Variants in PDE12 observed in about 807,000 individuals in gnomAD.
PDE12 encodes 2',5'-phosphodiesterase 12.
In PDE12, 26 loss-of-function variants were observed where a neutral mutation model predicts 45.4. That is an observed-to-expected ratio of 0.57 (90% CI 0.42 to 0.79). The LOEUF (loss-of-function observed/expected upper bound fraction) is 0.79, where lower values mean the gene tolerates loss of function less well. PDE12 is among the 30% of genes least tolerant of loss of function. The pLI is 0.00. For synonymous variants in PDE12, 283 were observed against 323.9 expected (o/e 0.87, Z 1.36); for missense variants, 668 against 790.0 (o/e 0.85, Z 1.85).
At chr3:57,572,396 T>C in the PDE12 span, 1 of 863,884 alleles carries the variant, frequency 1.2e-6, no homozygotes, top group Non-Finnish European at 1.8e-6. Flanking sequence ...TTTTCACACC[T>C]CTTGCATCTC....
the PDE12 span, among the ~76,000 whole-genome samples, chr3:57,579,475 A>G: frequency 6.6e-6 from 1 of 151,686 alleles, no homozygotes; most frequent in Non-Finnish European, 1.5e-5. Context: ...TTTAGTAGAG[A>G]TGAGATTTTA....
the PDE12 span, among the ~76,000 whole-genome samples, chr3:57,614,525 T>TTTTTTTGTTTTG: frequency 3.5e-5 from 5 of 141,490 alleles, no homozygotes; most frequent in Admixed American, 1.5e-4. Context: ...TGTAATCCGT[T>TTTTTTTGTTTTG]TTTTTTTTTT....
chr3:57,583,673 C>A, the PDE12 span, among the ~76,000 whole-genome samples: 17 of 152,112 alleles, frequency 1.1e-4, no homozygotes, highest in Admixed American at 3.9e-4. Context: ...CCAGCACCCA[C>A]CCCATCTTCC....
the PDE12 span, among the ~76,000 whole-genome samples, chr3:57,576,600 A>G: frequency 3.6e-4 from 55 of 151,434 alleles, no homozygotes; most frequent in African/African-American, 1.3e-3. Context: ...TACTGGCACA[A>G]TGGTTTTACA....
At chr3:57,585,624 ACC>A in the PDE12 span, among the ~76,000 whole-genome samples, 1 of 150,166 alleles carries the variant, frequency 6.7e-6, no homozygotes, top group African/African-American at 2.5e-5. Context: ...ATAATAAAAG[ACC>A]CTATCACATT....
At chr3:57,589,753 T>C in the PDE12 span, among the ~76,000 whole-genome samples, 4 of 149,474 alleles carry the variant, frequency 2.7e-5, no homozygotes, top group African/African-American at 9.9e-5. Flanking sequence ...AAACAAACCT[T>C]TGCCCATAAT....
downstream of PDE12, among the ~76,000 whole-genome samples, chr3:57,569,829 C>CA (rs11310053): frequency 0.33 from 22,084 of 67,712 alleles, 3,040 homozygotes; most frequent in African/African-American, 0.39. Flanking sequence ...AAAACCATCT[C>CA]AAAAAAAAAA....
At chr3:57,585,725 C>A in the PDE12 span, among the ~76,000 whole-genome samples, 1 of 143,942 alleles carries the variant, frequency 6.9e-6, no homozygotes, top group Admixed American at 7.3e-5. Flanking sequence ...TGCAATGGTG[C>A]AATATCAGCT....
chr3:57,585,869 C>G, the PDE12 span, among the ~76,000 whole-genome samples: 2 of 152,012 alleles, frequency 1.3e-5, no homozygotes, highest in South Asian at 4.1e-4. Flanking sequence ...ACCATGTTGG[C>G]CAGGCTGGTC....
the PDE12 span, chr3:57,630,305 T>C: frequency 5.8e-6 from 5 of 867,676 alleles, no homozygotes; most frequent in African/African-American, 3.5e-5. Context: ...CTAGAAAAGT[T>C]AGTCATCATT....
Position 57,559,637 on chromosome 3 carries a change from G to A in PDE12, c.1463G>A (p.Gly488Asp). 6.2e-7 allele frequency: 1 copy of A among 1,614,076 alleles called. No individual in the cohort carries two copies. Among genetic ancestry groups the A allele is most frequent in the Non-Finnish European group, 8.5e-7 (1 of 1,179,988 alleles). ...CATGTTTCATGTGATCTGTATCCTGGCATACCAGTTATATTTTGTGGGGAC... is the reference window on the plus strand; with the variant it reads ...CATGTTTCATGTGATCTGTATCCTGACATACCAGTTATATTTTGTGGGGAC... ...IRHVSCDLYP[G>D]IPVIFCGDFN... Residue 488 changes from glycine to aspartate, a missense_variant, in exon 3 of 3, where the codon GGC (glycine) becomes GAC (aspartate). Coordinates refer to ENST00000311180, the MANE Select transcript of PDE12 (RefSeq NM_177966.7).
At chr3:57,570,550 A>T (rs1049242176), downstream of PDE12, among the ~76,000 whole-genome samples, 17 of 151,946 alleles carry the variant, frequency 1.1e-4, no homozygotes, top group African/African-American at 4.1e-4. Context: ...AAAAATATAC[A>T]TTTTTTTAAA....
the PDE12 span, among the ~76,000 whole-genome samples, chr3:57,652,270 AGCTGCCAT>A: frequency 3.0e-4 from 45 of 152,354 alleles, no homozygotes; most frequent in Non-Finnish European, 5.1e-4. Flanking sequence ...GGGAAAAGTT[AGCTGCCAT>A]GTTGTGAGAA....
At chr3:57,618,627 T>TG in the PDE12 span, among the ~76,000 whole-genome samples, 4 of 136,910 alleles carry the variant, frequency 2.9e-5, no homozygotes, top group Admixed American at 8.2e-5. Context: ...TTTTTTTTTT[T>TG]GAGATGGAGT....
rs1177813628 is a variant in PDE12, at chr3:57,560,622, G to A, written c.*618G>A. 4.1e-6 allele frequency: 4 copies of A among 984,904 alleles called. No homozygotes were observed. The highest frequency in any genetic ancestry group is 1.1e-4 in the East Asian group (1 of 8,824). The allele number at this position is 984,904 out of a possible 1,614,324, so 61.0% of individuals were successfully genotyped here. On this transcript the variant is annotated 3_prime_UTR_variant, in exon 3 of 3. Coordinates refer to ENST00000311180, the MANE Select transcript of PDE12 (RefSeq NM_177966.7). ...ATTACAGGCGTGAGCCACCGCACCC[G>A]GCCCTTGTGTACATTTTTATAAGAG...
the PDE12 span, among the ~76,000 whole-genome samples, chr3:57,584,826 A>G: frequency 1.3e-5 from 2 of 150,362 alleles, no homozygotes; most frequent in South Asian, 4.3e-4. Context: ...ATCTCTTCCA[A>G]TTAAATTCTA....
At chr3:57,615,722 T>G in the PDE12 span, among the ~76,000 whole-genome samples, 1 of 152,020 alleles carries the variant, frequency 6.6e-6, no homozygotes, top group Non-Finnish European at 1.5e-5. Flanking sequence ...GAGAATTGCT[T>G]GAACCCAGGA....
chr3:57,628,841 T>C, the PDE12 span: 2 of 1,613,114 alleles, frequency 1.2e-6, no homozygotes, highest in South Asian at 2.2e-5. Context: ...AGACAAGGTC[T>C]ACTGTTTCTA....
At chr3:57,597,773 C>T in the PDE12 span, 2 of 152,626 alleles carry the variant, frequency 1.3e-5, no homozygotes, top group African/African-American at 2.4e-5. Flanking sequence ...TCGCCCTCTT[C>T]TATTACGGTA....
Sources: allele counts gnomAD v4.1 joint callset (sites outside exome capture counted in the v4.1 genomes callset), GRCh38; gene constraint gnomAD v4.1.1; transcripts MANE v1.5; gene names NCBI Gene and HGNC (gene_info 2026-07-23, HGNC 2026-07-21).